CAMK1D: variants seen among roughly 807,000 people sequenced by gnomAD.
CAMK1D encodes calcium/calmodulin dependent protein kinase ID.
In CAMK1D, 9 loss-of-function variants were observed where a neutral mutation model predicts 47.7. The observed-to-expected ratio is 0.19, with a 90% CI of 0.11 to 0.33. The LOEUF (loss-of-function observed/expected upper bound fraction) is 0.33. Ranked by LOEUF, CAMK1D falls within the 10% of genes least tolerant of loss-of-function variation. The pLI is 1.00. For synonymous variants in CAMK1D, 184 were observed against 184.9 expected (o/e 0.99, Z 0.04); for missense variants, 291 against 488.7 (o/e 0.60, Z 3.81).
Position 12,772,204 on chromosome 10 carries a change from G to A in CAMK1D, c.565+2405G>A, listed in dbSNP as rs116275374. On this transcript the variant is annotated intron_variant, in intron 5 of 10. Transcript: ENST00000619168. ...AAAGAGTGTGTGTGGTATATTCATG[G>A]AATTTCTCCAGCTCGATCTGAGCCA... 9.9e-3 allele frequency among the ~76,000 whole-genome samples: 1,507 copies of A among 152,126 alleles called. 30 individuals carry two copies. The highest frequency in any genetic ancestry group is 0.035 in the African/African-American group (1,436 of 41,478).
At chr10:12,712,349 C>T (rs949841151) in intron 3 of CAMK1D, among the ~76,000 whole-genome samples, 1 of 152,202 alleles carries the variant, frequency 6.6e-6, no homozygotes, top group Non-Finnish European at 1.5e-5. Context: ...AACTATAATA[C>T]CAAGCCAGCC....
intron 1 of CAMK1D, among the ~76,000 whole-genome samples, chr10:12,543,589 C>A (rs529657860): frequency 6.6e-6 from 1 of 152,282 alleles, no homozygotes; most frequent in African/African-American, 2.4e-5. Flanking sequence ...TTTTTAACTA[C>A]TGGTAGGTAC....
intron 1 of CAMK1D, among the ~76,000 whole-genome samples, chr10:12,375,864 C>T (rs979314566): frequency 6.6e-6 from 1 of 152,000 alleles, no homozygotes; most frequent in African/African-American, 2.4e-5. Flanking sequence ...GCCGATTTCT[C>T]TAAAACCAGA....
At chr10:12,602,111 T>C (rs1219166828) in intron 2 of CAMK1D, among the ~76,000 whole-genome samples, 2 of 152,242 alleles carry the variant, frequency 1.3e-5, no homozygotes, top group Non-Finnish European at 2.9e-5. Flanking sequence ...CCCGAAGAAC[T>C]ATGGTCTTAT....
At chr10:12,736,842 C>T (rs4750251) in intron 3 of CAMK1D, among the ~76,000 whole-genome samples, 142,712 of 152,190 alleles carry the variant, frequency 0.94, 67,519 homozygotes, top group Non-Finnish European at 1. Flanking sequence ...TCAGCATCTG[C>T]GTCAGGGACA....
chr10:12,616,185 T>C (rs1274169973), intron 2 of CAMK1D, among the ~76,000 whole-genome samples: 1 of 152,062 alleles, frequency 6.6e-6, no homozygotes, highest in East Asian at 1.9e-4. Flanking sequence ...TTCATATGAG[T>C]GTGCACATGT....
At chr10:12,455,086 TTTCCAGTA>T (rs1833202055) in intron 1 of CAMK1D, among the ~76,000 whole-genome samples, 1 of 152,160 alleles carries the variant, frequency 6.6e-6, no homozygotes, top group African/African-American at 2.4e-5. Flanking sequence ...CGAGGCAGAT[TTTCCAGTA>T]TTCCAAAACC....
chr10:12,822,288 A>G (rs1425732055), intron 8 of CAMK1D, among the ~76,000 whole-genome samples: 11 of 152,214 alleles, frequency 7.2e-5, no homozygotes, highest in African/African-American at 7.2e-5. Context: ...GTGGCCTGAC[A>G]TGGCTGCACT....
intron 3 of CAMK1D, among the ~76,000 whole-genome samples, chr10:12,694,264 T>TAATATATATTATACATAATATAA: frequency 4.6e-5 from 1 of 21,542 alleles, no homozygotes; most frequent in African/African-American, 1.7e-4. Flanking sequence ...GTATAATATA[T>TAATATATATTATACATAATATAA]AATATATATT....
At chr10:12,752,844 T>G (rs1193459307) in intron 3 of CAMK1D, among the ~76,000 whole-genome samples, 1 of 152,236 alleles carries the variant, frequency 6.6e-6, no homozygotes, top group Non-Finnish European at 1.5e-5. Context: ...ATGAACTGTC[T>G]GTAACCAAGT....
intron 3 of CAMK1D, among the ~76,000 whole-genome samples, chr10:12,723,468 C>A (rs966930094): frequency 1.3e-5 from 2 of 152,064 alleles, no homozygotes; most frequent in African/African-American, 4.8e-5. Context: ...AGGTTATCTA[C>A]TTAAGGAAGG....
chr10:12,623,004 G>T (rs1015069740), intron 2 of CAMK1D, among the ~76,000 whole-genome samples: 28 of 148,500 alleles, frequency 1.9e-4, no homozygotes, highest in Non-Finnish European at 3.9e-4. Context: ...CGTCCGTCCC[G>T]TCATCTCATC....
At chr10:12,621,838 ATTATCT>A (rs1285887477) in intron 2 of CAMK1D, among the ~76,000 whole-genome samples, 3 of 151,784 alleles carry the variant, frequency 2.0e-5, no homozygotes, top group Non-Finnish European at 4.4e-5. Flanking sequence ...CATTCCTTGT[ATTATCT>A]TGTGAAACCC....
intron 1 of CAMK1D, among the ~76,000 whole-genome samples, chr10:12,504,759 CCTCCCGGGACGGTGAGGCCA>C (rs1448848389): frequency 4.6e-5 from 7 of 152,130 alleles, no homozygotes; most frequent in African/African-American, 1.7e-4. Context: ...TCTCTTACTA[CCTCCCGGGACGGTGAGGCCA>C]CTTTCTCTTA....
intron 3 of CAMK1D, among the ~76,000 whole-genome samples, chr10:12,693,366 A>G (rs1324172650): frequency 6.6e-6 from 1 of 151,982 alleles, no homozygotes; most frequent in Non-Finnish European, 1.5e-5. Flanking sequence ...CTCCATCTCT[A>G]AAAAAAGAAC....
At chr10:12,464,186 C>T (rs1006534096) in intron 1 of CAMK1D, among the ~76,000 whole-genome samples, 1 of 152,138 alleles carries the variant, frequency 6.6e-6, no homozygotes, top group African/African-American at 2.4e-5. Context: ...CTGTTGGTCC[C>T]CTCTTTGTCC....
At chr10:12,512,829 G>A (rs752670509) in intron 1 of CAMK1D, among the ~76,000 whole-genome samples, 4 of 152,162 alleles carry the variant, frequency 2.6e-5, no homozygotes, top group African/African-American at 4.8e-5. Flanking sequence ...GTGATTTCAG[G>A]GTGTTCTGAG....
intron 1 of CAMK1D, among the ~76,000 whole-genome samples, chr10:12,412,185 AC>A (rs894535841): frequency 2.0e-5 from 3 of 152,004 alleles, no homozygotes; most frequent in African/African-American, 7.3e-5. Flanking sequence ...GCCTCCTGCA[AC>A]CCCACCTGTA....
rs771350438 is a variant in CAMK1D, at chr10:12,479,870, C to T, written c.93-73355C>T. ...AAAGCAACAATAAAATCCACTATAA[C>T]GCAGTCTGCTGCTTATTATCACTGT... On this transcript the variant is annotated intron_variant, in intron 1 of 10. Transcript: ENST00000619168. Among the ~76,000 whole-genome samples the T allele has an allele frequency of 5.3e-5, 8 of 152,314 alleles. No individual in the cohort carries two copies. The South Asian group carries it at 8.3e-4, about 16-fold the overall frequency.
Sources: gnomAD v4.1 joint callset for allele counts (sites outside exome capture counted in the v4.1 genomes callset) on GRCh38, gnomAD v4.1.1 for gene constraint, MANE v1.5 for transcripts, NCBI Gene and HGNC (gene_info 2026-07-23, HGNC 2026-07-21) for gene names.